CSMD1: variants seen among roughly 807,000 people sequenced by gnomAD.
The protein encoded by CSMD1 is CUB and Sushi multiple domains 1.
In CSMD1, 213 loss-of-function variants were observed where a neutral mutation model predicts 417.5. The observed-to-expected ratio is 0.51, with a 90% confidence interval of 0.46 to 0.57. The LOEUF (loss-of-function observed/expected upper bound fraction) is 0.57, where lower values mean the gene tolerates loss of function less well. Among genes scored for constraint, CSMD1 ranks in the 20% least tolerant of loss-of-function variants. The pLI is 0.00. For synonymous variants in CSMD1, 2,862 were observed against 1,736.8 expected (o/e 1.65, Z -16.11); for missense variants, 6,923 against 4,529.7 (o/e 1.53, Z -15.17).
chr8:4,740,253 T>C (rs533667202), intron 1 of CSMD1, among the ~76,000 whole-genome samples: 1 of 152,276 alleles, frequency 6.6e-6, no homozygotes, highest in South Asian at 2.1e-4. Context: ...ATTTCTGACA[T>C]AATAATATTA....
At chr8:4,691,615 A>G (rs1434471224) in intron 1 of CSMD1, among the ~76,000 whole-genome samples, 1 of 152,048 alleles carries the variant, frequency 6.6e-6, no homozygotes, top group Non-Finnish European at 1.5e-5. Flanking sequence ...GGCAAAAATT[A>G]TTTTCTGCAC....
At chr8:4,094,919 G>A (rs778591219) in intron 3 of CSMD1, among the ~76,000 whole-genome samples, 2 of 152,188 alleles carry the variant, frequency 1.3e-5, no homozygotes, top group African/African-American at 2.4e-5. Flanking sequence ...GAGACATGGG[G>A]AAGTCATTGA....
At chr8:3,120,933 G>C (rs1483296743) in intron 41 of CSMD1, among the ~76,000 whole-genome samples, 3 of 152,116 alleles carry the variant, frequency 2.0e-5, no homozygotes, top group South Asian at 4.1e-4. Flanking sequence ...GTTTGGGAAA[G>C]TCATTAGAAT....
At position 3,746,797 on chromosome 8, in the gene CSMD1, C is replaced by G. The variant is rs943770078; in HGVS notation, c.931+7133G>C. On this transcript the variant is annotated intron_variant, in intron 6 of 69. Transcript: ENST00000635120. ...TTTACATTTATGACTTTTTAATATACCGAGAGAAACAAAATAATCATGCCT... is the reference window on the plus strand; with the variant it reads ...TTTACATTTATGACTTTTTAATATAGCGAGAGAAACAAAATAATCATGCCT... 9.2e-5 allele frequency among the ~76,000 whole-genome samples: 14 copies of G among 152,076 alleles called. 1 individual carries two copies. Among genetic ancestry groups the G allele is most frequent in the South Asian group, 4.2e-4 (2 of 4,818 alleles).
intron 50 of CSMD1, among the ~76,000 whole-genome samples, chr8:3,045,688 A>G (rs1461104647): frequency 1.3e-5 from 2 of 152,206 alleles, no homozygotes; most frequent in Non-Finnish European, 2.9e-5. Flanking sequence ...TTTAAAAATC[A>G]TGAGAGCTAG....
At chr8:4,097,303 T>C (rs1455010496) in intron 3 of CSMD1, among the ~76,000 whole-genome samples, 1 of 152,202 alleles carries the variant, frequency 6.6e-6, no homozygotes, top group Non-Finnish European at 1.5e-5. Context: ...AAATGGGTGA[T>C]ACTGAAACAC....
At chr8:3,408,885 C>T (rs975370798) in intron 13 of CSMD1, among the ~76,000 whole-genome samples, 2 of 152,112 alleles carry the variant, frequency 1.3e-5, no homozygotes, top group South Asian at 4.1e-4. Context: ...ATTTTGTACA[C>T]ACTTTTCAGC....
intron 26 of CSMD1, among the ~76,000 whole-genome samples, chr8:3,234,544 G>A (rs1374924444): frequency 6.6e-6 from 1 of 152,126 alleles, no homozygotes; most frequent in Non-Finnish European, 1.5e-5. Flanking sequence ...GAAAGAGAGC[G>A]GGAATGACAA....
At chr8:3,447,642 T>C (rs1440104616) in intron 12 of CSMD1, among the ~76,000 whole-genome samples, 1 of 152,190 alleles carries the variant, frequency 6.6e-6, no homozygotes, top group Admixed American at 6.5e-5. Flanking sequence ...AAGCAGTGTG[T>C]GCATTCTTTG....
rs913839749 is a variant in CSMD1, at chr8:4,216,619, G to A, written c.416-184520C>T. On this transcript the variant is annotated intron_variant, in intron 3 of 69. Coordinates refer to ENST00000635120, the MANE Select transcript of CSMD1 (RefSeq NM_033225.6). ...AGGTGCTGAGGACACCGTGAAGTGT[G>A]AATGCTGGGCCTCACAGCCCTGTGT... 5.9e-5 allele frequency among the ~76,000 whole-genome samples: 9 copies of A among 152,288 alleles called. No individual in the cohort carries two copies. The East Asian group carries it at 1.4e-3, about 23-fold the overall frequency.
At chr8:4,102,900 A>C (rs1040632563) in intron 3 of CSMD1, among the ~76,000 whole-genome samples, 19 of 152,194 alleles carry the variant, frequency 1.2e-4, no homozygotes, top group Non-Finnish European at 2.2e-4. Context: ...GGTTATAGCA[A>C]AGTGCTGAGT....
intron 5 of CSMD1, among the ~76,000 whole-genome samples, chr8:3,954,821 C>A (rs867131188): frequency 1.2e-4 from 18 of 152,080 alleles, no homozygotes; most frequent in African/African-American, 3.6e-4. Context: ...CGGAAGCGAG[C>A]ATGCGCAGTG....
At chr8:3,398,659 T>G (rs576002852) in intron 16 of CSMD1, among the ~76,000 whole-genome samples, 10 of 152,294 alleles carry the variant, frequency 6.6e-5, no homozygotes, top group African/African-American at 1.7e-4. Flanking sequence ...GAGAATAACC[T>G]TGAAACTTTC....
rs760336800 is a variant in CSMD1 at position 4,994,352 on chromosome 8, C to A, written c.65G>T (p.Arg22Met). The change falls in exon 1 of 70, where the codon AGG becomes ATG. Residue 22 changes from arginine to methionine, a missense_variant. Physicochemically the swap from Arg to Met is moderately conservative, Grantham distance 91 (BLOSUM62 -1). Transcript: ENST00000635120. ...CTTACCCTTCGCTGCAGTGAGGAGCCTCGCGCACAGCACCAGCAGCCCGAG... is the reference window on the plus strand; with the variant it reads ...CTTACCCTTCGCTGCAGTGAGGAGCATCGCGCACAGCACCAGCAGCCCGAG... ...LLLGLLVLCARLLTAAKGQNC... is the reference protein window; with the variant it reads ...LLLGLLVLCAMLLTAAKGQNC... 1 of 1,611,480 alleles carries A rather than the reference C, an allele frequency of 6.2e-7. No homozygotes were observed. The highest frequency in any genetic ancestry group is 1.1e-5 in the South Asian group (1 of 91,084).
chr8:4,237,333 A>T (rs1341444398), intron 3 of CSMD1, among the ~76,000 whole-genome samples: 1 of 152,026 alleles, frequency 6.6e-6, no homozygotes, highest in Non-Finnish European at 1.5e-5. Flanking sequence ...CAGTAAATAA[A>T]CTAATCCTTC....
At chr8:4,831,726 C>G (rs887453614) in intron 1 of CSMD1, among the ~76,000 whole-genome samples, 1 of 152,138 alleles carries the variant, frequency 6.6e-6, no homozygotes, top group South Asian at 2.1e-4. Flanking sequence ...AAACACATGC[C>G]TGTACCTGGC....
At chr8:3,227,383 G>C (rs769181036) in intron 27 of CSMD1, among the ~76,000 whole-genome samples, 2 of 152,102 alleles carry the variant, frequency 1.3e-5, no homozygotes, top group African/African-American at 2.4e-5. Flanking sequence ...CGGCAACTGA[G>C]TGAGACTCTA....
At chr8:4,491,726 G>A (rs762725457) in intron 2 of CSMD1, among the ~76,000 whole-genome samples, 2 of 152,130 alleles carry the variant, frequency 1.3e-5, no homozygotes, top group African/African-American at 2.4e-5. Flanking sequence ...ACAACCAAAT[G>A]CTGTTGAGGT....
rs1011656238 is a variant in CSMD1, at chr8:4,422,574, C to T, written c.303-2509G>A. Among the ~76,000 whole-genome samples the T allele has an allele frequency of 7.2e-5, 11 of 152,138 alleles. No homozygotes were observed. In the East Asian group the frequency reaches 1.7e-3, roughly 24 times the overall value. On this transcript the variant is annotated intron_variant, in intron 2 of 69. Coordinates refer to ENST00000635120, the MANE Select transcript of CSMD1 (RefSeq NM_033225.6). ...TACAAGTCAGGAAGAGAGCCCTCAC[C>T]AGGAACTGACTATTCTGGACCCTGA...
Sources: allele counts gnomAD v4.1 joint callset (sites outside exome capture counted in the v4.1 genomes callset), GRCh38; gene constraint gnomAD v4.1.1; transcripts MANE v1.5; gene names NCBI Gene and HGNC (gene_info 2026-07-23, HGNC 2026-07-21).